The following MYO9A variants were observed in gnomAD, a reference collection of about 807,000 sequenced individuals.
MYO9A encodes unconventional myosin-IXa.
A neutral mutation model predicts 293.3 loss-of-function variants in MYO9A; 103 were observed. The observed-to-expected ratio is 0.35, with a 90% CI of 0.30 to 0.41. The LOEUF (loss-of-function observed/expected upper bound fraction) is 0.41. MYO9A is among the 10% of genes least tolerant of loss of function. MYO9A has a pLI of 1.00. For missense variants in MYO9A, 2,685 were observed against 3,033.0 expected, an observed-to-expected ratio of 0.89 and a Z score of 2.69; for synonymous variants, 1,001 against 1,035.7, an observed-to-expected ratio of 0.97 and a Z score of 0.64.
chr15:71,989,853 T>C (rs1015921228), intron 11 of MYO9A, among the ~76,000 whole-genome samples: 26 of 151,932 alleles, frequency 1.7e-4, no homozygotes, highest in African/African-American at 6.0e-4. Context: ...TAGTGACACC[T>C]TGTCTCTACA....
chr15:71,966,017 C>T (rs775083112), intron 13 of MYO9A, among the ~76,000 whole-genome samples: 1 of 152,016 alleles, frequency 6.6e-6, no homozygotes, highest in Non-Finnish European at 1.5e-5. Flanking sequence ...GCTGGGATTA[C>T]AGGCGTGCAC....
At chr15:72,041,503 GT>G (rs2078224765) in intron 2 of MYO9A, 1 of 345,376 alleles carries the variant, frequency 2.9e-6, no homozygotes, top group Non-Finnish European at 5.6e-6. Context: ...GCATGACCAA[GT>G]TTTCCAGTTT....
intron 16 of MYO9A, among the ~76,000 whole-genome samples, chr15:71,935,974 A>C (rs1477359022): frequency 6.6e-6 from 1 of 151,860 alleles, no homozygotes; most frequent in Non-Finnish European, 1.5e-5. Flanking sequence ...ATGAGACTCT[A>C]AACATTGCAG....
At chr15:71,886,414 G>A (rs981836705) in intron 27 of MYO9A, among the ~76,000 whole-genome samples, 1 of 151,962 alleles carries the variant, frequency 6.6e-6, no homozygotes, top group African/African-American at 2.4e-5. Context: ...GAGGGTATGG[G>A]AAATGAAGAA....
chr15:71,936,947 AAAG>A (rs1329896893), intron 16 of MYO9A, among the ~76,000 whole-genome samples: 1 of 151,596 alleles, frequency 6.6e-6, no homozygotes, highest in Non-Finnish European at 1.5e-5. Context: ...GAAAAAAAAA[AAAG>A]AAAACAAAAG....
chr15:71,953,461 T>G (rs555647804), intron 14 of MYO9A, among the ~76,000 whole-genome samples: 5 of 152,232 alleles, frequency 3.3e-5, no homozygotes, highest in Non-Finnish European at 5.9e-5. Flanking sequence ...TTCAAGAATA[T>G]TATGTGTTAA....
intron 26 of MYO9A, chr15:71,893,328 A>G: frequency 2.0e-6 from 1 of 510,144 alleles, no homozygotes; most frequent in Non-Finnish European, 3.1e-6. Flanking sequence ...CAGAAGTGAC[A>G]GGGATGACCA....
At chr15:72,041,885 A>G (rs1205920513) in intron 2 of MYO9A, among the ~76,000 whole-genome samples, 1 of 151,942 alleles carries the variant, frequency 6.6e-6, no homozygotes, top group Non-Finnish European at 1.5e-5. Flanking sequence ...ACTAAAAAAA[A>G]AAAAACAGTA....
intron 1 of MYO9A, among the ~76,000 whole-genome samples, chr15:72,062,707 A>G (rs1020582361): frequency 6.6e-6 from 1 of 152,242 alleles, no homozygotes; most frequent in African/African-American, 2.4e-5. Context: ...TCTAGAAAAT[A>G]GCCTCAAAAG....
At chr15:71,852,362 CTTTT>C (rs1159987320) in intron 35 of MYO9A, 102 bp from the exon 36 acceptor site, 1,677 of 610,436 alleles carry the variant, frequency 2.7e-3, no homozygotes, top group South Asian at 3.7e-3. Context: ...CTTCATGTTT[CTTTT>C]TTTTTTTTTT....
chr15:72,020,573 T>C (rs2077474201), intron 5 of MYO9A, among the ~76,000 whole-genome samples: 1 of 152,206 alleles, frequency 6.6e-6, no homozygotes. Context: ...GAATTAATCA[T>C]TAGTAACATT....
intron 34 of MYO9A, 108 bp from the exon 35 acceptor site, chr15:71,854,677 G>C (rs1264860358): frequency 1.2e-6 from 1 of 838,500 alleles, no homozygotes. Flanking sequence ...AGTTTTATGA[G>C]CATAGTTAGA....
At chr15:71,864,964 C>T (rs1178907297) in intron 32 of MYO9A, among the ~76,000 whole-genome samples, 1 of 152,098 alleles carries the variant, frequency 6.6e-6, no homozygotes, top group African/African-American at 2.4e-5. Flanking sequence ...GTAAATTTAC[C>T]TCCAGAAAGC....
At chr15:72,039,496 T>C (rs2078160876) in intron 2 of MYO9A, among the ~76,000 whole-genome samples, 1 of 152,072 alleles carries the variant, frequency 6.6e-6, no homozygotes, top group South Asian at 2.1e-4. Flanking sequence ...AGGATTTAAA[T>C]ATTTACAAAC....
At chr15:71,895,154 ATG>A (rs1378637529) in intron 25 of MYO9A, among the ~76,000 whole-genome samples, 3 of 152,210 alleles carry the variant, frequency 2.0e-5, no homozygotes, top group African/African-American at 7.2e-5. Context: ...TGTATGTACA[ATG>A]TGTATAAGCC....
At chr15:71,840,130 A>G (rs761164646) in intron 39 of MYO9A, among the ~76,000 whole-genome samples, 4 of 152,242 alleles carry the variant, frequency 2.6e-5, no homozygotes, top group East Asian at 1.9e-4. Flanking sequence ...AGGAAGTCAT[A>G]TATTTCCAAT....
intron 15 of MYO9A, among the ~76,000 whole-genome samples, chr15:71,947,078 T>C (rs1004884035): frequency 6.6e-6 from 1 of 152,026 alleles, no homozygotes; most frequent in African/African-American, 2.4e-5. Flanking sequence ...GATTGTGCCA[T>C]TGCACTCCAG....
chr15:71,935,928 A>ACT (rs1555486527), intron 16 of MYO9A, among the ~76,000 whole-genome samples: 3 of 151,302 alleles, frequency 2.0e-5, no homozygotes, highest in Non-Finnish European at 4.4e-5. Context: ...ACACACACAC[A>ACT]CACTCACTAC....
rs774384789 is a variant in MYO9A, at chr15:72,010,340, G to A, written c.1253+10C>T. On this transcript the variant is annotated intron_variant, in intron 7 of 41. Transcript: ENST00000356056. ...TATTAGAGATATAAAAATACAACAA[G>A]TAAACTCACTGTCTTCGTGTCTTGG... The A allele has an allele frequency of 2.7e-5, 43 of 1,609,064 alleles. No individual in the cohort carries two copies. The Admixed American group carries it at 7.2e-4, about 27-fold the overall frequency.
Sources: gnomAD v4.1 joint callset for allele counts (sites outside exome capture counted in the v4.1 genomes callset) on GRCh38, gnomAD v4.1.1 for gene constraint, MANE v1.5 for transcripts, NCBI Gene and HGNC (gene_info 2026-07-23, HGNC 2026-07-21) for gene names.